GRID2: variants seen among roughly 807,000 people sequenced by gnomAD.
GRID2 encodes glutamate ionotropic receptor delta type subunit 2, also known as glutamate receptor ionotropic, delta-2.
Under a neutral mutation model 114.8 loss-of-function variants are expected in GRID2, and 33 were observed. The observed-to-expected ratio is 0.29, with a 90% confidence interval of 0.22 to 0.38. The LOEUF is 0.38. GRID2 is among the 10% of genes least tolerant of loss of function. The pLI, the probability that GRID2 is intolerant of heterozygous loss-of-function variation, is 1.00. For synonymous variants in GRID2, 505 were observed against 449.9 expected (o/e 1.12, Z -1.55); for missense variants, 1,184 against 1,257.7 (o/e 0.94, Z 0.89).
intron 2 of GRID2, among the ~76,000 whole-genome samples, chr4:92,815,546 A>G (rs1408624727): frequency 6.6e-6 from 1 of 152,124 alleles, no homozygotes; most frequent in Non-Finnish European, 1.5e-5. Context: ...TTTAGTTTCC[A>G]TCTTTGAATG....
Position 93,793,741 on chromosome 4 carries a change from T to C in GRID2, c.222-12974T>C, listed in dbSNP as rs1734743142. ...ACATAAGTCAAGAAGAATTTTCCTG[T>C]GTACAATGAGGGGAAGCTAAGCCTC... On this transcript the variant is annotated intron_variant, in intron 1 of 1. Coordinates refer to the GRID2 transcript ENST00000637838. Among the ~76,000 whole-genome samples, 4 of 152,168 alleles carry C rather than the reference T, an allele frequency of 2.6e-5. 1 individual carries two copies. In the South Asian group the frequency reaches 8.3e-4, roughly 31 times the overall value.
intron 2 of GRID2, among the ~76,000 whole-genome samples, chr4:92,904,181 A>G (rs1468804455): frequency 1.3e-5 from 2 of 151,552 alleles, no homozygotes; most frequent in African/African-American, 4.8e-5. Flanking sequence ...TGAATATAAT[A>G]TTAATGTATG....
In GRID2 at chr4:92,954,611, C is replaced by CT. The variant is rs879663913; in HGVS notation, c.245-130374dup. Among the ~76,000 whole-genome samples the CT allele has an allele frequency of 3.0e-3, 433 of 143,118 alleles. 4 individuals carry two copies. The highest frequency in any genetic ancestry group is 5.3e-3 in the Non-Finnish European group (341 of 64,522). The allele number at this position is 143,118 out of a possible 152,430, so 93.9% of individuals were successfully genotyped here. A position where few individuals can be genotyped will look rare whatever the true frequency, so the allele number is the denominator to read the frequency against. On this transcript the variant is annotated intron_variant, in intron 2 of 15. Coordinates refer to ENST00000282020, the MANE Select transcript of GRID2 (RefSeq NM_001510.4). Reference sequence around the variant, plus strand: ...CCGGCTAATTTTTTTTTTTAATTTTCTTTTTTTTTTATTATTATTATACTT... The same window carrying CT: ...CCGGCTAATTTTTTTTTTTAATTTTCTTTTTTTTTTTATTATTATTATACTT...
chr4:93,548,841 C>T (rs1733488897), intron 13 of GRID2, among the ~76,000 whole-genome samples: 1 of 152,028 alleles, frequency 6.6e-6, no homozygotes, highest in Admixed American at 6.6e-5. Flanking sequence ...TGGAACATGG[C>T]TTTCATTTAT....
At chr4:93,381,221 A>G (rs1257180015) in intron 8 of GRID2, among the ~76,000 whole-genome samples, 5 of 152,058 alleles carry the variant, frequency 3.3e-5, no homozygotes, top group African/African-American at 9.7e-5. Flanking sequence ...TTAGTAAACA[A>G]TGATTCCCCA....
At chr4:93,098,568 TTTGAGAGTACTG>T (rs1482265630) in intron 3 of GRID2, among the ~76,000 whole-genome samples, 16 of 151,962 alleles carry the variant, frequency 1.1e-4, no homozygotes, top group African/African-American at 3.9e-4. Flanking sequence ...ATTATTCTCT[TTTGAGAGTACTG>T]ATGAGAGAAA....
chr4:93,388,042 A>G (rs1206775228), intron 8 of GRID2, among the ~76,000 whole-genome samples: 3 of 152,070 alleles, frequency 2.0e-5, no homozygotes, highest in African/African-American at 7.2e-5. Context: ...TGCAATAAAT[A>G]TTATCATACA....
At chr4:92,892,207 G>T (rs935239990) in intron 2 of GRID2, among the ~76,000 whole-genome samples, 6 of 151,952 alleles carry the variant, frequency 3.9e-5, no homozygotes, top group Non-Finnish European at 5.9e-5. Flanking sequence ...GGGATTACAG[G>T]CACCTGCCAC....
At chr4:92,974,061 A>G (rs1231094671) in intron 2 of GRID2, among the ~76,000 whole-genome samples, 2 of 152,256 alleles carry the variant, frequency 1.3e-5, no homozygotes, top group Non-Finnish European at 2.9e-5. Flanking sequence ...GAAGACATTT[A>G]TGCAACCAAC....
At chr4:93,355,226 A>G (rs781168961) in intron 8 of GRID2, among the ~76,000 whole-genome samples, 5 of 151,936 alleles carry the variant, frequency 3.3e-5, no homozygotes, top group Non-Finnish European at 7.4e-5. Context: ...TAACAGTGCT[A>G]TTATGACTTC....
chr4:92,806,359 C>G (rs1445283880), intron 2 of GRID2, among the ~76,000 whole-genome samples: 1 of 151,798 alleles, frequency 6.6e-6, no homozygotes, highest in East Asian at 1.9e-4. Flanking sequence ...TTCTTGTTAT[C>G]TATATTAAAA....
At chr4:93,746,145 G>A (rs1250671925) in intron 14 of GRID2, among the ~76,000 whole-genome samples, 2 of 152,020 alleles carry the variant, frequency 1.3e-5, no homozygotes, top group African/African-American at 2.4e-5. Flanking sequence ...AAGGACAAGT[G>A]GTATCCTGAA....
At chr4:93,699,832 G>C (rs1315049914) in intron 14 of GRID2, among the ~76,000 whole-genome samples, 1 of 152,124 alleles carries the variant, frequency 6.6e-6, no homozygotes, top group Non-Finnish European at 1.5e-5. Context: ...AACTTTCTCT[G>C]TTTTGATGTT....
chr4:93,406,339 A>G (rs962704573), intron 9 of GRID2, among the ~76,000 whole-genome samples: 1 of 152,204 alleles, frequency 6.6e-6, no homozygotes, highest in African/African-American at 2.4e-5. Context: ...GAGACATGAA[A>G]GTATGGATCC....
intron 1 of GRID2, among the ~76,000 whole-genome samples, chr4:92,459,379 A>C (rs1429429461): frequency 6.6e-6 from 1 of 152,214 alleles, no homozygotes; most frequent in Non-Finnish European, 1.5e-5. Flanking sequence ...TAATTAATAT[A>C]GTGAAAAATG....
At chr4:92,718,174 A>C (rs1579908005) in intron 2 of GRID2, among the ~76,000 whole-genome samples, 1 of 152,206 alleles carries the variant, frequency 6.6e-6, no homozygotes, top group East Asian at 1.9e-4. Context: ...ATTTGAGACT[A>C]TTTTGCAAGA....
chr4:93,187,248 T>C (rs568685554), intron 4 of GRID2, among the ~76,000 whole-genome samples: 11 of 152,280 alleles, frequency 7.2e-5, no homozygotes, highest in African/African-American at 2.6e-4. Flanking sequence ...AAAATATATT[T>C]ATTCCAGACG....
At chr4:93,339,941 G>A (rs1341374671) in intron 8 of GRID2, among the ~76,000 whole-genome samples, 5 of 152,020 alleles carry the variant, frequency 3.3e-5, no homozygotes, top group Non-Finnish European at 7.3e-5. Flanking sequence ...AAGAGCATTG[G>A]GGAAACCGCC....
Position 93,182,528 on chromosome 4 carries a change from C to G in GRID2, c.736-24876C>G, listed in dbSNP as rs192443228. On this transcript the variant is annotated intron_variant, in intron 4 of 15. Transcript: ENST00000282020. The stretch of plus-strand genomic sequence containing the variant: ...CCTAATTAATATTAGATTTAACTTT[C>G]TCTCTACTTCAGTTATGTAGAAATA... 3.3e-3 allele frequency among the ~76,000 whole-genome samples: 507 copies of G among 152,204 alleles called. 3 individuals carry two copies. The highest frequency in any genetic ancestry group is 4.7e-3 in the Non-Finnish European group (321 of 68,000).
Sources: allele counts gnomAD v4.1 joint callset (sites outside exome capture counted in the v4.1 genomes callset), GRCh38; gene constraint gnomAD v4.1.1; transcripts MANE v1.5; gene names NCBI Gene and HGNC (gene_info 2026-07-23, HGNC 2026-07-21).